Variants in SMOC1 observed in about 807,000 individuals in gnomAD.
SMOC1 encodes the protein SPARC-related modular calcium-binding protein 1.
In SMOC1, 22 loss-of-function variants were observed where a neutral mutation model predicts 56.3. The observed-to-expected ratio is 0.39, with a 90% CI of 0.28 to 0.56. The LOEUF (loss-of-function observed/expected upper bound fraction) is 0.56. SMOC1 is among the 20% of genes least tolerant of loss of function. SMOC1 has a pLI of 0.61. For synonymous variants in SMOC1, 193 were observed against 215.0 expected (o/e 0.90, Z 0.89); for missense variants, 509 against 565.4 (o/e 0.90, Z 1.01).
intron 3 of SMOC1, among the ~76,000 whole-genome samples, chr14:69,961,826 G>A (rs1883392696): frequency 6.6e-6 from 1 of 152,164 alleles, no homozygotes; most frequent in South Asian, 2.1e-4. Flanking sequence ...TTGAGGAACT[G>A]ACAGACTGTT....
rs573936416 is a variant in SMOC1, at chr14:70,032,000, G to A, written c.*1742G>A. On this transcript the variant is annotated 3_prime_UTR_variant, in exon 12 of 12. Transcript: ENST00000361956. Reference sequence around the variant, plus strand: ...GGGACAGGATCTGATGGGGTCTTGGGCTAAAGGAGGTCCCTGCTGTCCTGG... The same window carrying A: ...GGGACAGGATCTGATGGGGTCTTGGACTAAAGGAGGTCCCTGCTGTCCTGG... The A allele has an allele frequency of 5.2e-5, 8 of 152,468 alleles. No homozygotes were observed. In the South Asian group the frequency reaches 1.7e-3, roughly 32 times the overall value. 9.4% of individuals were successfully genotyped at this position (152,468 alleles called of 1,614,324 possible).
At chr14:69,980,240 GATA>G (rs1220713145) in intron 5 of SMOC1, among the ~76,000 whole-genome samples, 3 of 152,166 alleles carry the variant, frequency 2.0e-5, no homozygotes, top group African/African-American at 7.2e-5. Context: ...GGAAATGGGG[GATA>G]GAAACTGAAG....
intron 7 of SMOC1, among the ~76,000 whole-genome samples, chr14:69,999,609 A>G (rs546161475): frequency 6.6e-6 from 1 of 152,252 alleles, no homozygotes; most frequent in East Asian, 1.9e-4. Context: ...ATGTCTGCCC[A>G]TCTCTCTGAT....
intron 7 of SMOC1, among the ~76,000 whole-genome samples, chr14:70,000,140 A>G (rs1055030727): frequency 1.3e-5 from 2 of 152,130 alleles, no homozygotes; most frequent in African/African-American, 2.4e-5. Context: ...TTCTGTGTTT[A>G]TTTGTAAAGT....
chr14:70,019,994 T>C (rs1885651365), intron 10 of SMOC1, among the ~76,000 whole-genome samples: 1 of 152,228 alleles, frequency 6.6e-6, no homozygotes, highest in Non-Finnish European at 1.5e-5. Context: ...TCAATAGTTT[T>C]GTTGGAAGTA....
intron 11 of SMOC1, among the ~76,000 whole-genome samples, chr14:70,029,834 G>C (rs138003166): frequency 1.3e-5 from 2 of 152,312 alleles, no homozygotes; most frequent in Admixed American, 6.5e-5. Flanking sequence ...TTGGGTCAGT[G>C]CCAATGGGAT....
At chr14:69,940,119 C>T (rs575158339) in intron 1 of SMOC1, among the ~76,000 whole-genome samples, 1 of 152,340 alleles carries the variant, frequency 6.6e-6, no homozygotes, top group Admixed American at 6.5e-5. Flanking sequence ...CTTGCGAAAA[C>T]AATTCTGTCT....
chr14:69,943,945 G>C (rs774360663), intron 1 of SMOC1, among the ~76,000 whole-genome samples: 1 of 152,220 alleles, frequency 6.6e-6, no homozygotes, highest in African/African-American at 2.4e-5. Flanking sequence ...CCTACATTGA[G>C]GAAGGCAGTG....
intron 1 of SMOC1, among the ~76,000 whole-genome samples, chr14:69,930,738 G>A (rs978163583): frequency 5.9e-5 from 9 of 152,152 alleles, no homozygotes; most frequent in Admixed American, 3.9e-4. Flanking sequence ...TTCTGAAGCC[G>A]GCTTCCCAGG....
intron 1 of SMOC1, among the ~76,000 whole-genome samples, chr14:69,912,087 T>C (rs1415015725): frequency 2.6e-5 from 4 of 152,218 alleles, no homozygotes; most frequent in African/African-American, 7.2e-5. Flanking sequence ...CTCATTATGA[T>C]TTTAATTTGC....
At chr14:69,913,124 A>G (rs1459222293) in intron 1 of SMOC1, among the ~76,000 whole-genome samples, 1 of 152,198 alleles carries the variant, frequency 6.6e-6, no homozygotes, top group African/African-American at 2.4e-5. Flanking sequence ...GGGGGCAAAC[A>G]GCTCTGCATG....
At chr14:69,952,395 G>A (rs1046947912) in intron 2 of SMOC1, 92 bp downstream of exon 2, 7 of 1,483,224 alleles carry the variant, frequency 4.7e-6, no homozygotes, top group African/African-American at 4.1e-5. Flanking sequence ...CTTGGAGTAA[G>A]TCTGTCCACT....
intron 1 of SMOC1, among the ~76,000 whole-genome samples, chr14:69,916,348 C>T (rs775132404): frequency 3.9e-5 from 6 of 152,258 alleles, no homozygotes; most frequent in African/African-American, 7.2e-5. Context: ...CCGTTAGGCT[C>T]TCTCCTCAGG....
At position 70,023,437 on chromosome 14, in the gene SMOC1, T is replaced by C; in HGVS notation, c.1281T>C (p.Val427=). ...SLPELKGCLG[V]SKEVGRLV is the part of the protein sequence containing the mutation. ...CTGAGCTGAAGGGCTGCCTGGGTGT[T>C]AGCAAAGAAGGTGAGTGCTCTCCCC... The change falls in exon 11 of 12, where the codon GTT becomes GTC. Residue 427 remains valine (V), a synonymous_variant. Coordinates refer to ENST00000361956, the MANE Select transcript of SMOC1 (RefSeq NM_001034852.3). 1 of 1,613,928 alleles carries C rather than the reference T, an allele frequency of 6.2e-7. No homozygotes were observed. Among genetic ancestry groups the C allele is most frequent in the Non-Finnish European group, 8.5e-7 (1 of 1,180,024 alleles).
chr14:69,938,345 T>C (rs1292876677), intron 1 of SMOC1, among the ~76,000 whole-genome samples: 2 of 152,102 alleles, frequency 1.3e-5, no homozygotes, highest in Admixed American at 6.5e-5. Flanking sequence ...CCCTTTTGTA[T>C]TGATAAGGGG....
chr14:69,945,889 C>T (rs913215401), intron 1 of SMOC1, among the ~76,000 whole-genome samples: 1 of 152,290 alleles, frequency 6.6e-6, no homozygotes, highest in African/African-American at 2.4e-5. Flanking sequence ...TCCTTCTCTA[C>T]ACCCAGGAAA....
intron 3 of SMOC1, among the ~76,000 whole-genome samples, chr14:69,974,592 G>A (rs756990579): frequency 1.1e-4 from 16 of 152,146 alleles, no homozygotes; most frequent in African/African-American, 1.9e-4. Flanking sequence ...ATCCCAACGC[G>A]AATCACTGAA....
At chr14:69,944,604 G>A (rs1882711646) in intron 1 of SMOC1, among the ~76,000 whole-genome samples, 1 of 152,078 alleles carries the variant, frequency 6.6e-6, no homozygotes, top group Non-Finnish European at 1.5e-5. Context: ...TCTGGCTATT[G>A]TTCTTACTCA....
intron 1 of SMOC1, among the ~76,000 whole-genome samples, chr14:69,907,775 G>A (rs543121885): frequency 6.6e-6 from 1 of 152,348 alleles, no homozygotes; most frequent in South Asian, 2.1e-4. Flanking sequence ...GGAAGTCCAA[G>A]ATCAAGGTGC....
Sources: gnomAD v4.1 joint callset for allele counts (sites outside exome capture counted in the v4.1 genomes callset) on GRCh38, gnomAD v4.1.1 for gene constraint, MANE v1.5 for transcripts, NCBI Gene and HGNC (gene_info 2026-07-23, HGNC 2026-07-21) for gene names.